SLC7A7: variants seen among roughly 807,000 people sequenced by gnomAD.
SLC7A7 encodes the protein solute carrier family 7 member 7.
A neutral mutation model predicts 47.9 loss-of-function variants in SLC7A7; 39 were observed. The observed-to-expected ratio is 0.81, with a 90% CI of 0.63 to 1.06. The LOEUF is 1.06. Ranked by LOEUF, SLC7A7 falls within the 50% of genes least tolerant of loss-of-function variation. The pLI, the probability that SLC7A7 is intolerant of heterozygous loss-of-function variation, is 0.00. For missense variants in SLC7A7, 588 were observed against 632.0 expected, an observed-to-expected ratio of 0.93 and a Z score of 0.75; for synonymous variants, 234 against 242.8, an observed-to-expected ratio of 0.96 and a Z score of 0.34.
At chr14:22,777,207 T>C (rs2038629667) in intron 4 of SLC7A7, among the ~76,000 whole-genome samples, 2 of 145,408 alleles carry the variant, frequency 1.4e-5, no homozygotes, top group Non-Finnish European at 3.0e-5. Flanking sequence ...CCCAGCATCA[T>C]AACGCACAGG....
chr14:22,811,035 A>T (rs926214318), intron 2 of SLC7A7, among the ~76,000 whole-genome samples: 2 of 151,992 alleles, frequency 1.3e-5, no homozygotes, highest in African/African-American at 4.8e-5. Context: ...AGTGCCTTCC[A>T]CCCCTCCCTG....
At chr14:22,775,761 C>T in intron 6 of SLC7A7, 72 bp downstream of exon 6, 2 of 1,142,488 alleles carry the variant, frequency 1.8e-6, no homozygotes, top group Non-Finnish European at 2.7e-6. Context: ...TAATCAAAGG[C>T]TGGGTCCTGT....
At chr14:22,810,484 T>A (rs10141489) in intron 2 of SLC7A7, among the ~76,000 whole-genome samples, 1 of 145,646 alleles carries the variant, frequency 6.9e-6, no homozygotes, top group Non-Finnish European at 1.5e-5. Flanking sequence ...AAAAAATAGA[T>A]TTCTGGTATT....
In SLC7A7 at chr14:22,773,605, G is replaced by A. The variant is rs755180352; in HGVS notation, c.*5C>T. The A allele has an allele frequency of 8.1e-6, 13 of 1,607,974 alleles. No homozygotes were observed. The Admixed American group carries it at 2.2e-4, about 27-fold the overall frequency. On this transcript the variant is annotated 3_prime_UTR_variant, in exon 10 of 10. Coordinates refer to ENST00000674313, the MANE Select transcript of SLC7A7 (RefSeq NM_003982.4). ...TGCTTTCCACATCAGGATTCCAGATGGTGTTTAGTTAGATTTGGGATCCCG... is the reference window on the plus strand; with the variant it reads ...TGCTTTCCACATCAGGATTCCAGATAGTGTTTAGTTAGATTTGGGATCCCG...
chr14:22,807,385 ATT>A (rs932836422), intron 2 of SLC7A7, among the ~76,000 whole-genome samples: 1 of 151,930 alleles, frequency 6.6e-6, no homozygotes, highest in African/African-American at 2.4e-5. Flanking sequence ...AAGTCTCATT[ATT>A]TCACTAGTCC....
upstream of SLC7A7, chr14:22,815,889 T>C (rs1594989318): frequency 1.1e-5 from 4 of 354,366 alleles, no homozygotes; most frequent in Non-Finnish European, 1.7e-5. Flanking sequence ...CTTGTTCCCA[T>C]GCTGAGATTA....
chr14:22,785,621 G>A (rs1284392442), intron 2 of SLC7A7, among the ~76,000 whole-genome samples: 1 of 151,898 alleles, frequency 6.6e-6, no homozygotes, highest in African/African-American at 2.4e-5. Flanking sequence ...CCAGCTAGTC[G>A]GGAAGCTGAG....
At chr14:22,776,448 A>T in intron 4 of SLC7A7, 130 bp from the exon 5 acceptor site, 1 of 1,228,378 alleles carries the variant, frequency 8.1e-7, no homozygotes, top group Admixed American at 1.8e-5. Flanking sequence ...TCCTCAATGC[A>T]TTTGTCTTTG....
chr14:22,800,795 C>T (rs1298362267), intron 2 of SLC7A7, among the ~76,000 whole-genome samples: 3 of 152,018 alleles, frequency 2.0e-5, no homozygotes, highest in Non-Finnish European at 2.9e-5. Context: ...AAAAATTAGC[C>T]GGGCGTGGTG....
At chr14:22,787,972 C>G (rs1183396046) in intron 2 of SLC7A7, among the ~76,000 whole-genome samples, 3 of 151,578 alleles carry the variant, frequency 2.0e-5, no homozygotes, top group East Asian at 3.9e-4. Flanking sequence ...ACTCGGGAGG[C>G]TGAGGCAGGA....
chr14:22,795,600 G>A (rs1437266060), intron 2 of SLC7A7, among the ~76,000 whole-genome samples: 22 of 151,698 alleles, frequency 1.5e-4, no homozygotes, highest in South Asian at 4.2e-4. Flanking sequence ...TCAGCCTCCC[G>A]AGTAGCTGGG....
At chr14:22,790,494 C>A (rs2038905923) in intron 2 of SLC7A7, among the ~76,000 whole-genome samples, 1 of 152,030 alleles carries the variant, frequency 6.6e-6, no homozygotes, top group East Asian at 1.9e-4. Flanking sequence ...TCACTGCAAT[C>A]AAAAGAATCT....
chr14:22,782,560 C>A (rs2038739059), intron 2 of SLC7A7, among the ~76,000 whole-genome samples: 1 of 151,838 alleles, frequency 6.6e-6, no homozygotes, highest in Non-Finnish European at 1.5e-5. Flanking sequence ...TTCCCAGGTT[C>A]AAGCAATTCT....
intron 2 of SLC7A7, among the ~76,000 whole-genome samples, chr14:22,794,985 C>G (rs1237213570): frequency 6.6e-6 from 1 of 151,970 alleles, no homozygotes; most frequent in Non-Finnish European, 1.5e-5. Context: ...AATTCTCGTT[C>G]TCCAAGCCAA....
At chr14:22,815,902 G>A, upstream of SLC7A7, 1 of 351,826 alleles carries the variant, frequency 2.8e-6, no homozygotes, top group South Asian at 2.1e-5. Flanking sequence ...TGAGATTACA[G>A]GAAGTGTAAG....
intron 2 of SLC7A7, among the ~76,000 whole-genome samples, chr14:22,807,022 C>A (rs1334314910): frequency 6.6e-5 from 10 of 151,940 alleles, no homozygotes; most frequent in African/African-American, 2.2e-4. Context: ...CTCAGCCTCC[C>A]AAGTAGCTGG....
In SLC7A7 at chr14:22,773,977, C is replaced by CTGAT. The variant is rs386833805; in HGVS notation, c.1381_1384dup (p.Arg462AsnfsTer7). ...AAGCGGTCGCTTATGTTCTGGCACT[C>CTGAT]TGATGATGAGGAAGTAAAAGGGCAG... is the stretch of plus-strand genomic sequence containing the variant. On this transcript the variant is annotated frameshift_variant, in exon 9 of 10. Transcript: ENST00000674313. LOFTEE classifies it high-confidence loss of function. 1 of 1,614,140 alleles carries CTGAT rather than the reference C, an allele frequency of 6.2e-7. No individual in the cohort carries two copies. The highest frequency in any genetic ancestry group is 8.5e-7 in the Non-Finnish European group (1 of 1,180,032).
chr14:22,781,271 C>A (rs145764321), intron 2 of SLC7A7, among the ~76,000 whole-genome samples: 1 of 152,126 alleles, frequency 6.6e-6, no homozygotes, highest in African/African-American at 2.4e-5. Flanking sequence ...GTGGTGTGGC[C>A]TTGGTGTCGC....
intron 2 of SLC7A7, among the ~76,000 whole-genome samples, chr14:22,810,852 C>G (rs984929504): frequency 6.6e-6 from 1 of 151,896 alleles, no homozygotes; most frequent in Non-Finnish European, 1.5e-5. Flanking sequence ...GTGGCACATG[C>G]CTGTAATCCC....
Sources: allele counts gnomAD v4.1 joint callset (sites outside exome capture counted in the v4.1 genomes callset), GRCh38; gene constraint gnomAD v4.1.1; transcripts MANE v1.5; gene names NCBI Gene and HGNC (gene_info 2026-07-23, HGNC 2026-07-21).